The following KCNMA1 variants were observed in gnomAD, a reference collection of about 807,000 sequenced individuals.
KCNMA1 encodes Calcium-activated potassium channel subunit alpha-1.
KCNMA1 carries 29 observed loss-of-function variants against 140.0 expected under a neutral mutation model. The observed-to-expected ratio is 0.21, with a 90% CI of 0.15 to 0.28. The LOEUF is 0.28. Ranked by LOEUF, KCNMA1 falls within the 10% of genes least tolerant of loss-of-function variation. The pLI is 1.00. For synonymous variants in KCNMA1, 612 were observed against 611.9 expected (o/e 1.00, Z 0.00); for missense variants, 880 against 1,602.2 (o/e 0.55, Z 7.70).
chr10:77,059,222 A>G (rs80242767), intron 14 of KCNMA1, among the ~76,000 whole-genome samples: 2,659 of 152,124 alleles, frequency 0.017, 77 homozygotes, highest in African/African-American at 0.06. Flanking sequence ...ACTTTCAGAA[A>G]AGAAAAAAAT....
intron 2 of KCNMA1, among the ~76,000 whole-genome samples, chr10:77,288,320 G>T (rs921996406): frequency 1.3e-5 from 2 of 152,202 alleles, no homozygotes; most frequent in Admixed American, 6.5e-5. Flanking sequence ...TAAGGGTCCA[G>T]GGACACTCCT....
chr10:77,476,915 A>G (rs774657362), intron 1 of KCNMA1, among the ~76,000 whole-genome samples: 2 of 152,228 alleles, frequency 1.3e-5, no homozygotes, highest in Non-Finnish European at 2.9e-5. Context: ...GAGGAAAAGC[A>G]GTCAAAAACA....
chr10:76,904,693 T>C (rs2047072444), intron 25 of KCNMA1: 1 of 152,180 alleles, frequency 6.6e-6, no homozygotes, highest in East Asian at 1.9e-4. Context: ...GCTCCTTCAA[T>C]AACGATGGTT....
intron 1 of KCNMA1, among the ~76,000 whole-genome samples, chr10:77,489,393 T>C (rs1464508575): frequency 6.6e-6 from 1 of 152,034 alleles, no homozygotes; most frequent in Non-Finnish European, 1.5e-5. Flanking sequence ...TGGAGTGGAG[T>C]GGCACGATCT....
chr10:77,487,254 T>C (rs2098471777), intron 1 of KCNMA1, among the ~76,000 whole-genome samples: 1 of 152,150 alleles, frequency 6.6e-6, no homozygotes, highest in African/African-American at 2.4e-5. Context: ...CTGTAGGTAA[T>C]ACATTTTTTT....
At chr10:77,274,376 C>T (rs1467617480) in intron 2 of KCNMA1, among the ~76,000 whole-genome samples, 1 of 152,150 alleles carries the variant, frequency 6.6e-6, no homozygotes, top group Non-Finnish European at 1.5e-5. Context: ...CAATGTTCTT[C>T]CTACAGACAT....
chr10:77,147,552 G>A (rs2098329289), intron 5 of KCNMA1: 1 of 152,106 alleles, frequency 6.6e-6, no homozygotes, highest in Admixed American at 6.5e-5. Flanking sequence ...CCATCCTCTT[G>A]GACCTCCCAT....
At chr10:77,064,029 C>G in intron 14 of KCNMA1, 1 of 985,358 alleles carries the variant, frequency 1.0e-6, no homozygotes, top group Non-Finnish European at 1.2e-6. Flanking sequence ...TTCTCGGGCC[C>G]CATCCTCGCT....
intron 23 of KCNMA1, among the ~76,000 whole-genome samples, chr10:76,924,170 T>G (rs930446196): frequency 6.6e-6 from 1 of 152,210 alleles, no homozygotes; most frequent in Admixed American, 6.5e-5. Flanking sequence ...TCATAGGTAT[T>G]AAGTAACAAC....
Position 77,306,081 on chromosome 10 carries a change from C to T in KCNMA1, c.541-54825G>A, listed in dbSNP as rs1024872010. Among the ~76,000 whole-genome samples the T allele has an allele frequency of 2.6e-5, 4 of 152,176 alleles. No homozygotes were observed. In the East Asian group the frequency reaches 5.8e-4, roughly 22 times the overall value. On this transcript the variant is annotated intron_variant, in intron 2 of 27. Transcript: ENST00000286628. ...GGTCAATGGGACACACAGAAGAAAC[C>T]TCCCAAGGAAGCTCTGGAAACCCCA...
chr10:77,100,080 T>A (rs2097059188), intron 9 of KCNMA1, among the ~76,000 whole-genome samples: 2 of 152,246 alleles, frequency 1.3e-5, no homozygotes, highest in Non-Finnish European at 1.5e-5. Context: ...AAGACGCTCC[T>A]GCATACTCAA....
At chr10:77,290,467 G>A (rs770461169) in intron 2 of KCNMA1, among the ~76,000 whole-genome samples, 7 of 152,190 alleles carry the variant, frequency 4.6e-5, no homozygotes, top group African/African-American at 1.2e-4. Context: ...ACTCCTTCCC[G>A]TGAGCCAGTG....
chr10:77,093,017 A>G (rs2096850318), intron 9 of KCNMA1, among the ~76,000 whole-genome samples: 2 of 152,186 alleles, frequency 1.3e-5, no homozygotes, highest in Admixed American at 6.5e-5. Flanking sequence ...ATATATTCCA[A>G]TGCAATCAAT....
chr10:77,021,949 G>A (rs928925403), intron 16 of KCNMA1, among the ~76,000 whole-genome samples: 1 of 152,086 alleles, frequency 6.6e-6, no homozygotes, highest in Non-Finnish European at 1.5e-5. Flanking sequence ...TAATATTTTC[G>A]ACATTAAGTC....
At chr10:77,454,098 G>A (rs2097713341) in intron 1 of KCNMA1, among the ~76,000 whole-genome samples, 1 of 152,138 alleles carries the variant, frequency 6.6e-6, no homozygotes. Flanking sequence ...TTTTATAGGA[G>A]TACTAAGATA....
intron 2 of KCNMA1, among the ~76,000 whole-genome samples, chr10:77,316,252 C>A (rs1028214668): frequency 5.9e-5 from 9 of 152,154 alleles, no homozygotes; most frequent in Non-Finnish European, 1.2e-4. Flanking sequence ...CCCTGCTGGG[C>A]AGCAGGGAAC....
chr10:77,468,760 C>T (rs1367224224), intron 1 of KCNMA1, among the ~76,000 whole-genome samples: 1 of 152,184 alleles, frequency 6.6e-6, no homozygotes, highest in Admixed American at 6.5e-5. Context: ...CAAACTAATA[C>T]AGTGCCTCCC....
chr10:77,454,164 A>G (rs1005721912), intron 1 of KCNMA1, among the ~76,000 whole-genome samples: 5 of 152,334 alleles, frequency 3.3e-5, no homozygotes, highest in African/African-American at 9.6e-5. Flanking sequence ...AAAAACTACC[A>G]GGCATTCAAA....
chr10:77,403,364 G>A lies in KCNMA1; in HGVS notation c.540+498C>T, dbSNP rs114435155. 7.2e-3 allele frequency among the ~76,000 whole-genome samples: 1,099 copies of A among 152,044 alleles called. 16 individuals carry two copies. The highest frequency in any genetic ancestry group is 0.025 in the African/African-American group (1,034 of 41,462). Reference sequence around the variant, plus strand: ...ACCATCAGCATGACTGATTTCTACCGTGCACAGGGCCCAGCTCACACACTG... The same window carrying A: ...ACCATCAGCATGACTGATTTCTACCATGCACAGGGCCCAGCTCACACACTG... On this transcript the variant is annotated intron_variant, in intron 2 of 27. Transcript: ENST00000286628.
Sources: gnomAD v4.1 joint callset for allele counts (sites outside exome capture counted in the v4.1 genomes callset) on GRCh38, gnomAD v4.1.1 for gene constraint, MANE v1.5 for transcripts, NCBI Gene and HGNC (gene_info 2026-07-23, HGNC 2026-07-21) for gene names.